PAX7: variants seen among roughly 807,000 people sequenced by gnomAD.
PAX7 encodes paired box protein Pax-7.
Under a neutral mutation model 50.7 loss-of-function variants are expected in PAX7, and 18 were observed. That is an observed-to-expected ratio of 0.36 (90% CI 0.25 to 0.53). PAX7 has a LOEUF of 0.53. PAX7 is among the 20% of genes least tolerant of loss of function. The probability of loss-of-function intolerance (pLI) is 0.93; values close to 1 mark genes in which losing one functional copy is unlikely to be tolerated. For synonymous variants in PAX7, 310 were observed against 290.4 expected, an observed-to-expected ratio of 1.07 and a Z score of -0.69; for missense variants, 644 against 702.9, an observed-to-expected ratio of 0.92 and a Z score of 0.95.
intron 4 of PAX7, among the ~76,000 whole-genome samples, chr1:18,645,090 G>T (rs1403073916): frequency 6.6e-6 from 1 of 152,214 alleles, no homozygotes; most frequent in African/African-American, 2.4e-5. Flanking sequence ...TTCCCTCTTC[G>T]CAAGACTGTC....
rs1454030773 is a variant in PAX7 at position 18,735,522 on chromosome 1, G to GAACA, written c.1156-108_1156-105dup. 2 of 1,513,878 alleles carry GAACA rather than the reference G, an allele frequency of 1.3e-6. No individual in the cohort carries two copies. The highest frequency in any genetic ancestry group is 2.8e-5 in the African/African-American group (2 of 71,870). 93.8% of individuals were successfully genotyped at this position (1,513,878 alleles called of 1,614,324 possible). The stretch of plus-strand genomic sequence containing the variant: ...CCTCGAAGCTACAGAGACTTCAAGG[G>GAACA]AACAACTCTGGCAAAGAGTGTTCCA... On this transcript the variant is annotated intron_variant, in intron 7 of 8. Coordinates refer to ENST00000420770, the MANE Select transcript of PAX7 (RefSeq NM_001135254.2). This position sits in a 1 kb window ranked among gnomAD's most constrained non-coding sequence, Gnocchi z 4.0.
At position 18,634,647 on chromosome 1, in the gene PAX7, G is replaced by T. The variant is rs570364607; in HGVS notation, c.321+109G>T. On this transcript the variant is annotated intron_variant, in intron 2 of 8. Transcript: ENST00000420770. This position sits in a 1 kb window ranked among gnomAD's most constrained non-coding sequence, Gnocchi z 4.0. ...CACCAGGCTGTAGGAAAGTACAGCT[G>T]GAGGGTGTCTTCTACTCCCAGATGT... 302 of 813,244 alleles carry T rather than the reference G, an allele frequency of 3.7e-4. 1 individual carries two copies. In the Middle Eastern group the frequency reaches 4.0e-3, roughly 11 times the overall value. 50.4% of individuals were successfully genotyped at this position (813,244 alleles called of 1,614,324 possible).
intron 4 of PAX7, among the ~76,000 whole-genome samples, chr1:18,664,301 G>T (rs1226917353): frequency 6.6e-6 from 1 of 152,246 alleles, no homozygotes; most frequent in East Asian, 1.9e-4. Context: ...CTCTGAGGCG[G>T]TAGTGACCTC....
Position 18,700,910 on chromosome 1 carries a change from C to A in PAX7, c.952+92C>A. On this transcript the variant is annotated intron_variant, in intron 6 of 8. Coordinates refer to ENST00000420770, the MANE Select transcript of PAX7 (RefSeq NM_001135254.2). This position sits in a 1 kb window ranked among gnomAD's most constrained non-coding sequence, Gnocchi z 4.8. ...ACAAAGGCTCTTCTTTTTTTTATGA[C>A]CATTTCTTACTTTCATGTAAGCAGG... is the stretch of plus-strand genomic sequence containing the variant. The A allele has an allele frequency of 8.5e-7, 1 of 1,172,000 alleles. No homozygotes were observed. The highest frequency in any genetic ancestry group is 1.1e-6 in the Non-Finnish European group (1 of 882,074). 72.6% of individuals were successfully genotyped at this position (1,172,000 alleles called of 1,614,324 possible).
At chr1:18,672,731 G>A (rs754225528) in intron 4 of PAX7, among the ~76,000 whole-genome samples, 1 of 151,230 alleles carries the variant, frequency 6.6e-6, no homozygotes, top group African/African-American at 2.4e-5. Flanking sequence ...TCAGCCTCCC[G>A]AGTAGCTGGG....
intron 4 of PAX7, among the ~76,000 whole-genome samples, chr1:18,640,393 C>A (rs1403610356): frequency 6.6e-6 from 1 of 150,992 alleles, no homozygotes; most frequent in Non-Finnish European, 1.5e-5. Context: ...AAGGGGGGCA[C>A]GGCTCCCCTC....
chr1:18,631,959 G>A (rs2088062659), intron 1 of PAX7, among the ~76,000 whole-genome samples: 1 of 152,174 alleles, frequency 6.6e-6, no homozygotes, highest in African/African-American at 2.4e-5. Context: ...GGTAGATTTG[G>A]ACTCCTAGTA....
rs752326328 is a variant in PAX7 at position 18,635,222 on chromosome 1, C to A, written c.433C>A (p.Arg145=). ...DRLLKDGHCD[R]STVPSGLVSS... is the part of the protein sequence containing the mutation. ...GCTGCTGAAGGATGGGCACTGTGAC[C>A]GAAGCACTGTGCCCTCAGGTGAGAA... Residue 145 remains arginine (R), a synonymous_variant, in exon 3 of 9, where the codon CGA becomes AGA. Coordinates refer to ENST00000420770, the MANE Select transcript of PAX7 (RefSeq NM_001135254.2). 6.2e-7 allele frequency: 1 copy of A among 1,613,566 alleles called. No individual in the cohort carries two copies. The highest frequency in any genetic ancestry group is 8.5e-7 in the Non-Finnish European group (1 of 1,179,792).
intron 4 of PAX7, among the ~76,000 whole-genome samples, chr1:18,685,024 G>A (rs1209543401): frequency 1.3e-5 from 2 of 152,184 alleles, no homozygotes; most frequent in African/African-American, 2.4e-5. Flanking sequence ...AGAGGGAGGA[G>A]GGAAAGGTTG....
intron 4 of PAX7, among the ~76,000 whole-genome samples, chr1:18,668,113 C>A (rs1472045761): frequency 1.3e-5 from 2 of 152,124 alleles, no homozygotes; most frequent in Non-Finnish European, 2.9e-5. Flanking sequence ...GCCCAAGATG[C>A]ACCACAGCCC....
intron 5 of PAX7, among the ~76,000 whole-genome samples, chr1:18,698,819 G>A (rs1370419618): frequency 6.6e-6 from 1 of 152,206 alleles, no homozygotes; most frequent in Non-Finnish European, 1.5e-5. Flanking sequence ...CTCAACAGGT[G>A]AAAGCCGGCA....
intron 4 of PAX7, among the ~76,000 whole-genome samples, chr1:18,684,664 G>A (rs953998504): frequency 3.9e-5 from 6 of 152,206 alleles, no homozygotes; most frequent in African/African-American, 9.6e-5. Context: ...ATTCAGAGAC[G>A]CCTGGCCCAC....
intron 7 of PAX7, among the ~76,000 whole-genome samples, chr1:18,724,504 AT>A (rs2089532919): frequency 6.6e-6 from 1 of 152,224 alleles, no homozygotes; most frequent in African/African-American, 2.4e-5. Flanking sequence ...CAGCACTGCA[AT>A]TGACAGGTGC....
In PAX7 at chr1:18,636,185, G is replaced by A. The variant is rs2088152535; in HGVS notation, c.452-52G>A. 1.3e-6 allele frequency: 2 copies of A among 1,587,138 alleles called. No individual in the cohort carries two copies. Among genetic ancestry groups the A allele is most frequent in the Non-Finnish European group, 1.7e-6 (2 of 1,163,528 alleles). ...CTCCCAGGGGCCCAGGCCACCGCTC[G>A]CTCCTCTGCTCCAACAACTTATACT... On this transcript the variant is annotated intron_variant, in intron 3 of 8. Coordinates refer to ENST00000420770, the MANE Select transcript of PAX7 (RefSeq NM_001135254.2). The surrounding 1 kb of genome is among the most constrained non-coding windows in gnomAD (Gnocchi z 5.1).
intron 7 of PAX7, among the ~76,000 whole-genome samples, chr1:18,709,804 G>A (rs2089328104): frequency 6.6e-6 from 1 of 152,194 alleles, no homozygotes; most frequent in Non-Finnish European, 1.5e-5. Flanking sequence ...ATGCTACTGT[G>A]TTGTATCTGC....
At chr1:18,744,737 G>GATGGATGGATGGATGC (rs1931353739) in intron 8 of PAX7, 77 bp from the exon 9 acceptor site, 1 of 753,386 alleles carries the variant, frequency 1.3e-6, no homozygotes, top group Non-Finnish European at 2.4e-6. Context: ...TGGATGGATG[G>GATGGATGGATGGATGC]ATGGGTGTAG....
rs527650456 is a variant in PAX7 at position 18,735,624 on chromosome 1, C to T, written c.1156-8C>T. 4 of 1,607,660 alleles carry T rather than the reference C, an allele frequency of 2.5e-6. No homozygotes were observed. In the South Asian group the frequency reaches 3.3e-5, roughly 13 times the overall value. ...GTGAGCCTGGCACTAATGGCCTTTT[C>T]CCCACAGGTGATGAGCATCTTGGGC... On this transcript the variant is annotated splice_polypyrimidine_tract_variant and splice_region_variant and intron_variant, in intron 7 of 8. Coordinates refer to ENST00000420770, the MANE Select transcript of PAX7 (RefSeq NM_001135254.2). This position sits in a 1 kb window ranked among gnomAD's most constrained non-coding sequence, Gnocchi z 4.0.
chr1:18,694,067 A>G (rs1206051617), intron 5 of PAX7, among the ~76,000 whole-genome samples: 1 of 151,730 alleles, frequency 6.6e-6, no homozygotes. Flanking sequence ...CAGGGCAGGG[A>G]CTCCCCATTA....
intron 7 of PAX7, among the ~76,000 whole-genome samples, chr1:18,711,025 C>T (rs2089345337): frequency 6.6e-6 from 1 of 152,230 alleles, no homozygotes; most frequent in Non-Finnish European, 1.5e-5. Flanking sequence ...GGGCGAGTCT[C>T]CTGCTGCCCG....
Sources: allele counts gnomAD v4.1 joint callset (sites outside exome capture counted in the v4.1 genomes callset), GRCh38; gene constraint gnomAD v4.1.1; non-coding constraint Gnocchi (gnomAD v3.1); transcripts MANE v1.5; gene names NCBI Gene and HGNC (gene_info 2026-07-23, HGNC 2026-07-21).